The following SLC25A26 variants were observed in gnomAD, a reference collection of about 807,000 sequenced individuals.
SLC25A26 encodes the protein solute carrier family 25 member 26, also known as mitochondrial S-adenosylmethionine carrier protein.
In SLC25A26, 36 loss-of-function variants were observed where a neutral mutation model predicts 37.8. That is an observed-to-expected ratio of 0.95 (90% confidence interval 0.73 to 1.26). SLC25A26 has a LOEUF of 1.26. Among genes scored for constraint, SLC25A26 ranks in the 50% most tolerant of loss-of-function variants. The pLI, the probability that SLC25A26 is intolerant of heterozygous loss-of-function variation, is 0.00. For synonymous variants in SLC25A26, 129 were observed against 122.5 expected, an observed-to-expected ratio of 1.05 and a Z score of -0.35; for missense variants, 390 against 331.1, an observed-to-expected ratio of 1.18 and a Z score of -1.38.
At chr3:66,146,204 G>A (rs1475864126) in intron 1 of SLC25A26, among the ~76,000 whole-genome samples, 1 of 152,020 alleles carries the variant, frequency 6.6e-6, no homozygotes, top group Non-Finnish European at 1.5e-5. Flanking sequence ...GCCGGGTGTG[G>A]TGGCAGGCAC....
At chr3:66,200,855 G>A (rs1009324141) in intron 1 of SLC25A26, among the ~76,000 whole-genome samples, 32 of 152,132 alleles carry the variant, frequency 2.1e-4, no homozygotes, top group African/African-American at 7.5e-4. Context: ...ACTGCTTCCC[G>A]AGAAAATGCC....
intron 5 of SLC25A26, among the ~76,000 whole-genome samples, chr3:66,286,050 T>G (rs980562102): frequency 1.3e-5 from 2 of 152,252 alleles, no homozygotes; most frequent in Non-Finnish European, 2.9e-5. Flanking sequence ...TTCTCATTTT[T>G]AATTGTACGG....
chr3:66,166,837 A>C (rs1327617645), intron 1 of SLC25A26, among the ~76,000 whole-genome samples: 1 of 151,958 alleles, frequency 6.6e-6, no homozygotes. Context: ...TCCACCCAAA[A>C]CTCATCTTGA....
intron 7 of SLC25A26, among the ~76,000 whole-genome samples, chr3:66,367,703 GACAC>G (rs1229769096): frequency 6.5e-5 from 8 of 122,730 alleles, no homozygotes; most frequent in African/African-American, 4.1e-4. Context: ...CAGACAGACA[GACAC>G]AGAGAGAGAG....
At chr3:66,244,571 A>G (rs770187137) in intron 3 of SLC25A26, among the ~76,000 whole-genome samples, 1 of 152,236 alleles carries the variant, frequency 6.6e-6, no homozygotes, top group Admixed American at 6.5e-5. Flanking sequence ...GTTTTAGTGA[A>G]TACTGCAGAG....
Position 66,241,244 on chromosome 3 carries a change from A to G in SLC25A26, c.191-1959A>G, listed in dbSNP as rs563719433. On this transcript the variant is annotated intron_variant, in intron 2 of 9. Coordinates refer to ENST00000354883, the MANE Select transcript of SLC25A26 (RefSeq NM_001379210.1). ...ACCCAACCCTACACATTGTGACTTA[A>G]TTGGTCTGAGGTGTGGATTGGGCAT... Among the ~76,000 whole-genome samples the G allele has an allele frequency of 3.3e-5, 5 of 152,202 alleles. No individual in the cohort carries two copies. The East Asian group carries it at 5.8e-4, about 18-fold the overall frequency.
intron 5 of SLC25A26, among the ~76,000 whole-genome samples, chr3:66,346,147 C>G (rs2076317260): frequency 6.6e-6 from 1 of 152,122 alleles, no homozygotes; most frequent in Non-Finnish European, 1.5e-5. Context: ...GATCTGTCAG[C>G]CTGAGTGACA....
At chr3:66,316,048 G>C (rs952042040) in intron 5 of SLC25A26, among the ~76,000 whole-genome samples, 1 of 152,202 alleles carries the variant, frequency 6.6e-6, no homozygotes, top group Non-Finnish European at 1.5e-5. Flanking sequence ...CACAGCAATG[G>C]ATCTTGACTC....
In SLC25A26 at chr3:66,325,533, A is replaced by G. The variant is rs114101943; in HGVS notation, c.454-20831A>G. ...ATAGGCGCTATGAGAATGTCTAAGT[A>G]GGACACCTGATCTAGTCTGGACCAG... On this transcript the variant is annotated intron_variant, in intron 5 of 9. Coordinates refer to ENST00000354883, the MANE Select transcript of SLC25A26 (RefSeq NM_001379210.1). Among the ~76,000 whole-genome samples the G allele has an allele frequency of 4.9e-3, 748 of 152,342 alleles. 11 individuals are homozygous for G. The highest frequency in any genetic ancestry group is 0.013 in the African/African-American group (550 of 41,568).
intron 6 of SLC25A26, among the ~76,000 whole-genome samples, chr3:66,358,789 TG>T (rs2076633437): frequency 1.3e-5 from 2 of 152,202 alleles, no homozygotes; most frequent in Admixed American, 6.5e-5. Flanking sequence ...ACAATGTTTT[TG>T]TCTATAAAAT....
At chr3:66,315,051 T>A (rs927152619) in intron 5 of SLC25A26, among the ~76,000 whole-genome samples, 1 of 151,402 alleles carries the variant, frequency 6.6e-6, no homozygotes, top group African/African-American at 2.4e-5. Flanking sequence ...TTATTAATAT[T>A]TTTTAAAAAC....
chr3:66,160,971 CAG>C (rs756576544), intron 1 of SLC25A26, among the ~76,000 whole-genome samples: 1 of 152,044 alleles, frequency 6.6e-6, no homozygotes, highest in African/African-American at 2.4e-5. Context: ...ACTTAGCTGA[CAG>C]AGTTTACAAA....
intron 6 of SLC25A26, among the ~76,000 whole-genome samples, chr3:66,350,575 A>G (rs1428284180): frequency 6.6e-6 from 1 of 152,208 alleles, no homozygotes; most frequent in Non-Finnish European, 1.5e-5. Flanking sequence ...TTCTTTCAGT[A>G]ACACTTAGGT....
In SLC25A26 at chr3:66,378,814, C is replaced by G. The variant is rs1051820656; in HGVS notation, c.*1007C>G. 6.6e-6 allele frequency: 1 copy of G among 152,464 alleles called. No homozygotes were observed. Among genetic ancestry groups the G allele is most frequent in the Non-Finnish European group, 1.5e-5 (1 of 68,008 alleles). 9.4% of individuals were successfully genotyped at this position (152,464 alleles called of 1,614,324 possible). On this transcript the variant is annotated 3_prime_UTR_variant, in exon 10 of 10. Coordinates refer to ENST00000354883, the MANE Select transcript of SLC25A26 (RefSeq NM_001379210.1). ...AACTATACTGACATTTATAAATGAA[C>G]CTTTATTAAAGACACTTCAATGCCA...
chr3:66,334,636 G>GTGTA (rs746648229), intron 5 of SLC25A26, among the ~76,000 whole-genome samples: 9 of 152,100 alleles, frequency 5.9e-5, no homozygotes, highest in Non-Finnish European at 1.3e-4. Flanking sequence ...GCTTTAGGAG[G>GTGTA]TGTAGCAGGT....
chr3:66,373,715 A>G (rs1012509078), intron 9 of SLC25A26, among the ~76,000 whole-genome samples: 23 of 150,810 alleles, frequency 1.5e-4, no homozygotes, highest in African/African-American at 4.9e-4. Flanking sequence ...TTGGTTTTCA[A>G]TACAATTTTC....
At position 66,264,292 on chromosome 3, in the gene SLC25A26, A is replaced by T. The variant is rs150346254; in HGVS notation, c.453+913A>T. ...CGACTCTGTCTCCAAAAAAAAAGAA[A>T]TAACTACTAAGGGTAAGATATCAAG... On this transcript the variant is annotated intron_variant, in intron 5 of 9. Transcript: ENST00000354883. Among the ~76,000 whole-genome samples the T allele has an allele frequency of 9.4e-4, 143 of 152,222 alleles. 1 individual carries two copies. Among genetic ancestry groups the T allele is most frequent in the African/African-American group, 3.2e-3 (132 of 41,548 alleles).
At chr3:66,252,896 G>A (rs767156098) in intron 3 of SLC25A26, among the ~76,000 whole-genome samples, 42 of 151,870 alleles carry the variant, frequency 2.8e-4, no homozygotes, top group Non-Finnish European at 5.1e-4. Flanking sequence ...TCTTTTTCAT[G>A]TAGTATTTAA....
intron 6 of SLC25A26, among the ~76,000 whole-genome samples, chr3:66,352,442 G>GTTTTTTTT (rs58389048): frequency 6.2e-5 from 8 of 128,980 alleles, no homozygotes; most frequent in African/African-American, 2.3e-4. Context: ...TTTGTTTTTT[G>GTTTTTTTT]TTTTTTTTTT....
Sources: allele counts gnomAD v4.1 joint callset (sites outside exome capture counted in the v4.1 genomes callset), GRCh38; gene constraint gnomAD v4.1.1; transcripts MANE v1.5; gene names NCBI Gene and HGNC (gene_info 2026-07-23, HGNC 2026-07-21).